The following ZFHX3 variants were observed in gnomAD, a reference collection of about 807,000 sequenced individuals.
ZFHX3 encodes zinc finger homeobox 3, also known as zinc finger homeobox protein 3.
In ZFHX3, 42 loss-of-function variants were observed where a neutral mutation model predicts 279.1. That is an observed-to-expected ratio of 0.15 (90% CI 0.12 to 0.19). ZFHX3 has a LOEUF of 0.19. Among genes scored for constraint, ZFHX3 ranks in the 10% least tolerant of loss-of-function variants. The pLI, the probability that ZFHX3 is intolerant of heterozygous loss-of-function variation, is 1.00. For missense variants in ZFHX3, 4,981 were observed against 4,754.0 expected (o/e 1.05, Z -1.40); for synonymous variants, 2,293 against 1,957.8 (o/e 1.17, Z -4.52).
chr16:72,835,284 C>T (rs1397720518), intron 4 of ZFHX3, among the ~76,000 whole-genome samples: 1 of 152,086 alleles, frequency 6.6e-6, no homozygotes, highest in African/African-American at 2.4e-5. Context: ...GAAAATGCGG[C>T]GGTGCAGCTC....
At chr16:73,614,088 A>G (rs776994638) in intron 2 of ZFHX3, among the ~76,000 whole-genome samples, 2 of 152,248 alleles carry the variant, frequency 1.3e-5, no homozygotes, top group Non-Finnish European at 1.5e-5. Context: ...CCTTGGTGAT[A>G]TCTATGCCTG....
intron 4 of ZFHX3, among the ~76,000 whole-genome samples, chr16:73,282,751 G>T (rs1354075041): frequency 1.3e-5 from 2 of 151,836 alleles, no homozygotes; most frequent in African/African-American, 2.4e-5. Flanking sequence ...TTGTTTCATT[G>T]TTTCATAATG....
intron 3 of ZFHX3, among the ~76,000 whole-genome samples, chr16:73,330,686 G>A (rs994877831): frequency 2.0e-5 from 3 of 152,198 alleles, no homozygotes; most frequent in African/African-American, 7.2e-5. Context: ...AGAGGCAAGG[G>A]CATGTTGATG....
intron 5 of ZFHX3, among the ~76,000 whole-genome samples, chr16:73,204,448 CCCTCGCAAGTGCAGT>C (rs1255273313): frequency 6.6e-6 from 1 of 152,164 alleles, no homozygotes; most frequent in African/African-American, 2.4e-5. Flanking sequence ...CAACCTAGAT[CCCTCGCAAGTGCAGT>C]TCACAATAGG....
chr16:73,369,543 A>T (rs1310753484), intron 3 of ZFHX3, among the ~76,000 whole-genome samples: 3 of 152,194 alleles, frequency 2.0e-5, no homozygotes, highest in African/African-American at 7.2e-5. Flanking sequence ...AATGGAGACC[A>T]TTCCTGCCTC....
intron 1 of ZFHX3, among the ~76,000 whole-genome samples, chr16:73,811,321 T>C (rs933136818): frequency 6.6e-6 from 1 of 152,150 alleles, no homozygotes; most frequent in African/African-American, 2.4e-5. Context: ...TCTTTCTGGG[T>C]GATCTAAAAC....
chr16:73,470,098 G>A (rs2018640168), intron 2 of ZFHX3, among the ~76,000 whole-genome samples: 1 of 152,134 alleles, frequency 6.6e-6, no homozygotes, highest in South Asian at 2.1e-4. Flanking sequence ...TTATTCATGA[G>A]GTCCAGGATG....
intron 4 of ZFHX3, among the ~76,000 whole-genome samples, chr16:72,870,428 G>A (rs1030241065): frequency 1.3e-5 from 2 of 149,908 alleles, no homozygotes; most frequent in African/African-American, 4.9e-5. Context: ...AAAAAAAAAC[G>A]GCTGGGCACG....
At chr16:73,573,219 C>T (rs544522123) in intron 2 of ZFHX3, among the ~76,000 whole-genome samples, 1 of 152,278 alleles carries the variant, frequency 6.6e-6, no homozygotes, top group East Asian at 1.9e-4. Flanking sequence ...TGCCTCACTC[C>T]CATGCTTTCA....
At chr16:73,800,373 C>T (rs192701945) in intron 1 of ZFHX3, among the ~76,000 whole-genome samples, 8 of 152,088 alleles carry the variant, frequency 5.3e-5, no homozygotes, top group African/African-American at 1.2e-4. Context: ...GCACACCACC[C>T]GCCTGGCTAA....
intron 5 of ZFHX3, among the ~76,000 whole-genome samples, chr16:73,167,783 G>C (rs1242214855): frequency 1.3e-5 from 2 of 152,148 alleles, no homozygotes; most frequent in African/African-American, 4.8e-5. Flanking sequence ...AATATTAGAG[G>C]TCCCCACCAG....
chr16:73,554,269 C>G (rs2020242822), intron 2 of ZFHX3: 1 of 151,982 alleles, frequency 6.6e-6, no homozygotes, highest in African/African-American at 2.4e-5. Context: ...TTTCCTTGTA[C>G]AGAGAACATC....
At chr16:73,610,973 T>C (rs1053668430) in intron 2 of ZFHX3, among the ~76,000 whole-genome samples, 1 of 152,202 alleles carries the variant, frequency 6.6e-6, no homozygotes, top group Non-Finnish European at 1.5e-5. Flanking sequence ...ACCTATCTGA[T>C]GGAGGCTTTG....
At chr16:72,924,395 A>AAGT (rs1218534739) in intron 3 of ZFHX3, among the ~76,000 whole-genome samples, 1 of 152,210 alleles carries the variant, frequency 6.6e-6, no homozygotes, top group Non-Finnish European at 1.5e-5. Context: ...GGAGGTAAGA[A>AAGT]AGTACTACAG....
intron 4 of ZFHX3, among the ~76,000 whole-genome samples, chr16:73,257,732 G>C (rs2013698851): frequency 1.3e-5 from 2 of 152,196 alleles, no homozygotes; most frequent in Admixed American, 1.3e-4. Flanking sequence ...TGGCTGAAAG[G>C]AGGGTAAATA....
chr16:73,569,611 C>T (rs1567521511), intron 2 of ZFHX3, among the ~76,000 whole-genome samples: 1 of 152,090 alleles, frequency 6.6e-6, no homozygotes, highest in African/African-American at 2.4e-5. Context: ...TCCACTCGGC[C>T]ACAATGCATG....
intron 2 of ZFHX3, among the ~76,000 whole-genome samples, chr16:73,520,647 C>T (rs1168574540): frequency 1.3e-5 from 2 of 152,112 alleles, no homozygotes; most frequent in Non-Finnish European, 2.9e-5. Flanking sequence ...TGGTGTCTAG[C>T]AAGCATACAT....
intron 2 of ZFHX3, among the ~76,000 whole-genome samples, chr16:73,524,604 T>A (rs763502204): frequency 6.6e-6 from 1 of 152,202 alleles, no homozygotes; most frequent in South Asian, 2.1e-4. Flanking sequence ...ACTCAACGCA[T>A]CTCATTTCTC....
At chr16:73,092,985 G>C (rs781759669) in intron 8 of ZFHX3, 21 of 519,994 alleles carry the variant, frequency 4.0e-5, no homozygotes, top group Non-Finnish European at 3.1e-5. Flanking sequence ...CCTTCCTGGA[G>C]GTGAAATCCC....
Sources: allele counts gnomAD v4.1 joint callset (sites outside exome capture counted in the v4.1 genomes callset), GRCh38; gene constraint gnomAD v4.1.1; transcripts MANE v1.5; gene names NCBI Gene and HGNC (gene_info 2026-07-23, HGNC 2026-07-21).